Variants in ENOX1 observed in about 807,000 individuals in gnomAD.
ENOX1 encodes ecto-NOX disulfide-thiol exchanger 1.
In ENOX1, 42 loss-of-function variants were observed where a neutral mutation model predicts 82.5. That is an observed-to-expected ratio of 0.51 (90% confidence interval 0.40 to 0.66). ENOX1 has a LOEUF of 0.66. Among genes scored for constraint, ENOX1 ranks in the 30% least tolerant of loss-of-function variants. The pLI, the probability that ENOX1 is intolerant of heterozygous loss-of-function variation, is 0.00. For missense variants in ENOX1, 608 were observed against 811.6 expected, an observed-to-expected ratio of 0.75 and a Z score of 3.05; for synonymous variants, 271 against 282.2, an observed-to-expected ratio of 0.96 and a Z score of 0.40.
chr13:43,714,560 T>C (rs2087974710), intron 1 of ENOX1, among the ~76,000 whole-genome samples: 1 of 152,212 alleles, frequency 6.6e-6, no homozygotes, highest in Non-Finnish European at 1.5e-5. Flanking sequence ...AGTCTCTTTG[T>C]AGGTCAATAA....
chr13:43,268,081 C>T (rs946939464), intron 13 of ENOX1, among the ~76,000 whole-genome samples: 1 of 151,938 alleles, frequency 6.6e-6, no homozygotes, highest in Non-Finnish European at 1.5e-5. Context: ...ATTTTTATGA[C>T]TAGGGTTTGG....
chr13:43,233,497 ATGTC>A (rs892482872), intron 15 of ENOX1, among the ~76,000 whole-genome samples: 8 of 152,222 alleles, frequency 5.3e-5, no homozygotes, highest in African/African-American at 1.9e-4. Flanking sequence ...AGTCATAAGA[ATGTC>A]TGGGCAGAAT....
intron 1 of ENOX1, among the ~76,000 whole-genome samples, chr13:43,768,181 T>C (rs1282009021): frequency 6.6e-6 from 1 of 152,234 alleles, no homozygotes; most frequent in Non-Finnish European, 1.5e-5. Flanking sequence ...TTTCCTCCTT[T>C]TTGATTACTG....
At chr13:43,679,972 A>G (rs1426573985) in intron 1 of ENOX1, among the ~76,000 whole-genome samples, 2 of 152,248 alleles carry the variant, frequency 1.3e-5, no homozygotes, top group African/African-American at 4.8e-5. Context: ...TCAAATGTTC[A>G]TAATAAATGA....
intron 4 of ENOX1, 110 bp from the exon 5 acceptor site, chr13:43,412,163 C>CAAAAAAAA: frequency 9.5e-7 from 1 of 1,055,680 alleles, no homozygotes; most frequent in Non-Finnish European, 1.3e-6. Context: ...TCCCAAACTA[C>CAAAAAAAA]AAAAAAAAAA....
At chr13:43,351,543 C>CT (rs1216283613) in intron 8 of ENOX1, among the ~76,000 whole-genome samples, 2 of 144,074 alleles carry the variant, frequency 1.4e-5, no homozygotes, top group African/African-American at 2.6e-5. Context: ...GTCATCTAGC[C>CT]TTAGGTATAT....
chr13:43,576,395 CT>C (rs150095748), intron 2 of ENOX1, among the ~76,000 whole-genome samples: 1,892 of 152,286 alleles, frequency 0.012, 33 homozygotes, highest in African/African-American at 0.043. Context: ...GGACTGTATA[CT>C]TTTTCTTGAC....
At chr13:43,416,148 CCTCAGTT>C (rs2153602145) in intron 3 of ENOX1, among the ~76,000 whole-genome samples, 5 of 139,212 alleles carry the variant, frequency 3.6e-5, no homozygotes, top group East Asian at 2.1e-4. Flanking sequence ...CAGAGGCGCT[CCTCAGTT>C]CCCAGATGGG....
At chr13:43,481,630 G>A (rs2058512183) in intron 3 of ENOX1, among the ~76,000 whole-genome samples, 1 of 151,964 alleles carries the variant, frequency 6.6e-6, no homozygotes. Flanking sequence ...CACAAGAAAA[G>A]AACAGGTAAC....
chr13:43,602,640 T>C lies in ENOX1; in HGVS notation c.-219+64839A>G, dbSNP rs532455587. On this transcript the variant is annotated intron_variant, in intron 2 of 16. Transcript: ENST00000690772. ...CTAATCCACAATTTGACAATAAATA[T>C]AAAAGCCTTAAAATGTATTCTGTAT... Among the ~76,000 whole-genome samples, 79 of 152,148 alleles carry C rather than the reference T, an allele frequency of 5.2e-4. 1 individual carries two copies. The highest frequency in any genetic ancestry group is 1.8e-3 in the African/African-American group (75 of 41,532).
chr13:43,464,723 G>A (rs1465228615), intron 3 of ENOX1, among the ~76,000 whole-genome samples: 2 of 152,120 alleles, frequency 1.3e-5, no homozygotes. Flanking sequence ...CAACTAAGAA[G>A]CCAACATTGG....
intron 2 of ENOX1, among the ~76,000 whole-genome samples, chr13:43,649,299 C>T (rs1009258852): frequency 2.6e-5 from 4 of 152,158 alleles, no homozygotes; most frequent in African/African-American, 9.7e-5. Context: ...TCTGTCTCAA[C>T]CCAGAGTTCC....
At chr13:43,394,918 T>C (rs1314075916) in intron 5 of ENOX1, 1 of 151,920 alleles carries the variant, frequency 6.6e-6, no homozygotes, top group East Asian at 1.9e-4. Context: ...GCAGAAAGAT[T>C]AGCAGATAGA....
chr13:43,620,421 C>T (rs193262003), intron 2 of ENOX1, among the ~76,000 whole-genome samples: 227 of 152,078 alleles, frequency 1.5e-3, no homozygotes, highest in African/African-American at 5.3e-3. Context: ...TTTGCTGTAT[C>T]CCAAAGGTTT....
chr13:43,372,146 C>A (rs573794869), intron 5 of ENOX1, among the ~76,000 whole-genome samples: 1 of 152,266 alleles, frequency 6.6e-6, no homozygotes, highest in South Asian at 2.1e-4. Flanking sequence ...AACATAAATT[C>A]ATATATGATT....
intron 2 of ENOX1, among the ~76,000 whole-genome samples, chr13:43,614,256 A>T (rs1477960648): frequency 2.0e-5 from 3 of 152,316 alleles, no homozygotes; most frequent in East Asian, 1.9e-4. Context: ...AACACAAAAA[A>T]CACTGGATAC....
intron 3 of ENOX1, chr13:43,459,482 A>G (rs1397940897): frequency 6.6e-6 from 1 of 152,226 alleles, no homozygotes; most frequent in Admixed American, 6.5e-5. Context: ...TGCTAAAAGT[A>G]TTTTTATTAG....
intron 3 of ENOX1, among the ~76,000 whole-genome samples, chr13:43,462,208 G>A (rs2057518705): frequency 6.6e-6 from 1 of 152,212 alleles, no homozygotes; most frequent in Non-Finnish European, 1.5e-5. Flanking sequence ...GTGATGTTAT[G>A]TGATTATCAG....
intron 14 of ENOX1, among the ~76,000 whole-genome samples, chr13:43,246,934 G>A (rs1357347935): frequency 6.6e-6 from 1 of 152,208 alleles, no homozygotes; most frequent in African/African-American, 2.4e-5. Flanking sequence ...TATGTGTGAA[G>A]CAGAGAGGGG....
Sources: allele counts gnomAD v4.1 joint callset (sites outside exome capture counted in the v4.1 genomes callset), GRCh38; gene constraint gnomAD v4.1.1; transcripts MANE v1.5; gene names NCBI Gene and HGNC (gene_info 2026-07-23, HGNC 2026-07-21).